BMP1: variants seen among roughly 807,000 people sequenced by gnomAD.
BMP1 encodes bone morphogenetic protein 1.
In BMP1, 63 loss-of-function variants were observed where a neutral mutation model predicts 116.8. The observed-to-expected ratio is 0.54, with a 90% CI of 0.44 to 0.67. The LOEUF is 0.67. Among genes scored for constraint, BMP1 ranks in the 30% least tolerant of loss-of-function variants. The pLI is 0.00. For missense variants in BMP1, 1,183 were observed against 1,358.9 expected (o/e 0.87, Z 2.04); for synonymous variants, 536 against 533.4 (o/e 1.00, Z -0.07).
Position 22,212,061 on chromosome 8 carries a change from G to C in BMP1, c.*333G>C, listed in dbSNP as rs567556443. 8.4e-6 allele frequency: 3 copies of C among 356,124 alleles called. No homozygotes were observed. Among genetic ancestry groups the C allele is most frequent in the African/African-American group, 6.1e-5 (3 of 48,882 alleles). The allele number at this position is 356,124 out of a possible 1,614,324, so 22.1% of individuals were successfully genotyped here. A position where few individuals can be genotyped will look rare whatever the true frequency, so the allele number is the denominator to read the frequency against. Reference sequence around the variant, plus strand: ...CATCGCCATCCCTGTGTCTCTACACGCTGTATTGTGTATCACCGGGGGCAT... The same window carrying C: ...CATCGCCATCCCTGTGTCTCTACACCCTGTATTGTGTATCACCGGGGGCAT... On this transcript the variant is annotated 3_prime_UTR_variant, in exon 20 of 20. Coordinates refer to ENST00000306385, the MANE Select transcript of BMP1 (RefSeq NM_006129.5).
At chr8:22,187,001 A>G (rs964500868) in intron 8 of BMP1, among the ~76,000 whole-genome samples, 1 of 151,848 alleles carries the variant, frequency 6.6e-6, no homozygotes, top group Non-Finnish European at 1.5e-5. Context: ...AATTTTATTT[A>G]ATTATTTTAT....
At chr8:22,175,369 C>G (rs1828402230) in intron 2 of BMP1, among the ~76,000 whole-genome samples, 2 of 152,192 alleles carry the variant, frequency 1.3e-5, no homozygotes, top group Admixed American at 1.3e-4. Flanking sequence ...ATCTCAGATC[C>G]CCACAATTCC....
At chr8:22,188,613 C>T (rs937854608) in intron 8 of BMP1, among the ~76,000 whole-genome samples, 8 of 152,236 alleles carry the variant, frequency 5.3e-5, no homozygotes, top group South Asian at 2.1e-4. Flanking sequence ...TGTTTCCACA[C>T]GACAGAAGCC....
At chr8:22,175,577 G>A (rs1828407403) in intron 2 of BMP1, among the ~76,000 whole-genome samples, 2 of 152,152 alleles carry the variant, frequency 1.3e-5, no homozygotes, top group South Asian at 4.1e-4. Context: ...ACTGATCAGT[G>A]CATCACCTTG....
Position 22,176,282 on chromosome 8 carries a change from C to T in BMP1, c.402C>T (p.Val134=), listed in dbSNP as rs773025752. 166 of 1,607,904 alleles carry T rather than the reference C, an allele frequency of 1.0e-4. No homozygotes were observed. The East Asian group carries it at 3.5e-3, about 34-fold the overall frequency. Residue 134 remains valine, a synonymous_variant, in exon 3 of 20, where the codon GTC becomes GTT. Transcript: ENST00000306385. ...CAGAGCGTGTGTGGCCCGATGGGGT[C>T]ATCCCCTTTGTCATTGGGGGAAACT... is the stretch of plus-strand genomic sequence containing the variant. The part of the protein sequence containing the change: ...SRPERVWPDG[V]IPFVIGGNFT...
chr8:22,199,032 G>T (rs777495318), intron 15 of BMP1: 1 of 1,342,992 alleles, frequency 7.4e-7, no homozygotes, highest in South Asian at 1.2e-5. Flanking sequence ...TCTTGGAGGG[G>T]GCAGGGGACC....
In BMP1 at chr8:22,180,457, C is replaced by T. The variant is rs1037116854; in HGVS notation, c.1051C>T (p.Arg351Cys). Residue 351 changes from arginine (R) to cysteine (C), a missense_variant, in exon 8 of 20, where the codon CGC (arginine) becomes TGC (cysteine). By Grantham distance (180) the Arg-to-Cys change is radical. This residue lies in a region of BMP1 where 956 missense variants were observed against 1,135.2 expected (regional missense o/e 0.84). Transcript: ENST00000306385. ...GYSAHMHCVW[R>C]ISVTPGEKII... ...CTCTGCTCACATGCACTGCGTGTGG[C>T]GCATCTCTGTCACACCCGGGGAGAA... 6.8e-6 allele frequency: 11 copies of T among 1,613,790 alleles called. No individual in the cohort carries two copies. The highest frequency in any genetic ancestry group is 1.3e-5 in the African/African-American group (1 of 74,918).
Position 22,177,132 on chromosome 8 carries a change from C to G in BMP1, c.723C>G (p.Ile241Met). The change falls in exon 5 of 20, where the codon ATC becomes ATG. Residue 241 changes from isoleucine to methionine, a missense_variant. This residue lies in a region of BMP1 where 956 missense variants were observed against 1,135.2 expected (regional missense o/e 0.84). Coordinates refer to ENST00000306385, the MANE Select transcript of BMP1 (RefSeq NM_006129.5). The stretch of plus-strand genomic sequence containing the variant: ...ACGTTTCCATCGTTCGTGAGAACAT[C>G]CAGCCAGGTAGGTACCTGCCCCTCG... ...DRHVSIVRENIQPGQEYNFLK... is the reference protein window; with the variant it reads ...DRHVSIVRENMQPGQEYNFLK... 6.2e-7 allele frequency: 1 copy of G among 1,605,088 alleles called. No individual in the cohort carries two copies. The highest frequency in any genetic ancestry group is 8.5e-7 in the Non-Finnish European group (1 of 1,174,510).
intron 19 of BMP1, among the ~76,000 whole-genome samples, chr8:22,209,986 T>C (rs376375977): frequency 6.6e-6 from 1 of 152,266 alleles, no homozygotes; most frequent in African/African-American, 2.4e-5. Flanking sequence ...CTGGAGCGGA[T>C]GGAGCTTCCT....
intron 15 of BMP1, among the ~76,000 whole-genome samples, chr8:22,200,307 C>G (rs576913975): frequency 3.3e-5 from 5 of 152,330 alleles, no homozygotes; most frequent in Admixed American, 3.3e-4. Context: ...TGCTGATGAG[C>G]TACATCTCTG....
At chr8:22,180,619 T>C in intron 8 of BMP1, 136 bp downstream of exon 8, 1 of 736,012 alleles carries the variant, frequency 1.4e-6, no homozygotes, top group Non-Finnish European at 2.3e-6. Context: ...TCCAGAGCGC[T>C]GATGGAGCAC....
Position 22,206,938 on chromosome 8 carries a change from G to A in BMP1, c.2318G>A (p.Cys773Tyr). ...GACAAGTATCCCAGCAAGAAGGAGT[G>A]CACGTGGGCCATCTCCAGCACCCCC... is the stretch of plus-strand genomic sequence containing the variant. ...WPDKYPSKKECTWAISSTPGH... is the reference protein window; with the variant it reads ...WPDKYPSKKEYTWAISSTPGH... The change falls in exon 17 of 20, where the codon TGC becomes TAC. Residue 773 changes from cysteine (C) to tyrosine (Y), a missense_variant. Transcript: ENST00000306385. The A allele has an allele frequency of 6.2e-7, 1 of 1,614,228 alleles. No homozygotes were observed. Among genetic ancestry groups the A allele is most frequent in the Non-Finnish European group, 8.5e-7 (1 of 1,180,030 alleles).
intron 8 of BMP1, among the ~76,000 whole-genome samples, chr8:22,188,095 G>A (rs1247779031): frequency 1.3e-5 from 2 of 151,606 alleles, no homozygotes; most frequent in African/African-American, 2.4e-5. Context: ...TATTCGGGGT[G>A]CACCAGAAGA....
intron 2 of BMP1, among the ~76,000 whole-genome samples, chr8:22,175,786 T>G (rs1216552249): frequency 6.6e-6 from 1 of 152,106 alleles, no homozygotes; most frequent in Admixed American, 6.5e-5. Flanking sequence ...CAGGGGCTGT[T>G]TTAAACAGCG....
At chr8:22,166,333 C>G (rs1237993406) in intron 1 of BMP1, among the ~76,000 whole-genome samples, 1 of 151,848 alleles carries the variant, frequency 6.6e-6, no homozygotes, top group Non-Finnish European at 1.5e-5. Flanking sequence ...ACACCAGAGG[C>G]TAATTAGCTG....
In BMP1 at chr8:22,207,421, C is replaced by A; in HGVS notation, c.2480C>A (p.Pro827His). The A allele has an allele frequency of 6.2e-7, 1 of 1,614,106 alleles. No homozygotes were observed. The highest frequency in any genetic ancestry group is 1.1e-5 in the South Asian group (1 of 91,082). ...GGCCGCTTCTGTGGGAGCAAGAAGC[C>A]CGAGCCCGTCCTGGCCACAGGCAGC... ...VLGRFCGSKK[P>H]EPVLATGSRM... Residue 827 changes from proline (P) to histidine (H), a missense_variant, in exon 18 of 20, where the codon CCC becomes CAC. Around this residue, in one of 4 missense-constraint regions of BMP1, gnomAD observed 956 missense variants for 1,135.2 expected, o/e 0.84. Coordinates refer to ENST00000306385, the MANE Select transcript of BMP1 (RefSeq NM_006129.5).
At position 22,209,736 on chromosome 8, in the gene BMP1, C is replaced by T. The variant is rs770292748; in HGVS notation, c.2826+41C>T. ...CTCGCCCTCCTGGCCCCATGCCCCA[C>T]GCCCCACACTGTCCTCCACCCTTCT... On this transcript the variant is annotated intron_variant, in intron 19 of 19. Transcript: ENST00000306385. 4.0e-5 allele frequency: 63 copies of T among 1,594,012 alleles called. 1 individual carries two copies. The highest frequency in any genetic ancestry group is 1.7e-4 in the Middle Eastern group (1 of 5,718).
At chr8:22,176,020 G>A (rs1050418771) in intron 2 of BMP1, 123 bp from the exon 3 acceptor site, 6 of 1,017,204 alleles carry the variant, frequency 5.9e-6, no homozygotes, top group South Asian at 3.3e-5. Flanking sequence ...TGGGGACTAC[G>A]AATAAATTTT....
intron 1 of BMP1, among the ~76,000 whole-genome samples, chr8:22,168,416 T>C (rs1248182002): frequency 6.6e-6 from 1 of 152,120 alleles, no homozygotes; most frequent in African/African-American, 2.4e-5. Context: ...GAGGCAGGAA[T>C]TGGGACACAG....
Sources: allele counts gnomAD v4.1 joint callset (sites outside exome capture counted in the v4.1 genomes callset), GRCh38; gene constraint gnomAD v4.1.1; regional missense constraint gnomAD v4.1.1; transcripts MANE v1.5; gene names NCBI Gene and HGNC (gene_info 2026-07-23, HGNC 2026-07-21).